EFNA5: variants seen among roughly 807,000 people sequenced by gnomAD.
EFNA5 encodes ephrin-A5.
In EFNA5, 5 loss-of-function variants were observed where a neutral mutation model predicts 22.9. That is an observed-to-expected ratio of 0.22 (90% CI 0.11 to 0.46). The LOEUF is 0.46. EFNA5 is among the 20% of genes least tolerant of loss of function. The pLI is 0.99. For synonymous variants in EFNA5, 113 were observed against 112.2 expected (o/e 1.01, Z -0.04); for missense variants, 237 against 293.3 (o/e 0.81, Z 1.40).
At chr5:107,567,831 C>A (rs554531502) in intron 1 of EFNA5, among the ~76,000 whole-genome samples, 2 of 152,290 alleles carry the variant, frequency 1.3e-5, no homozygotes, top group South Asian at 4.1e-4. Context: ...GGCAAAGTAG[C>A]GAGTGGCTGG....
intron 1 of EFNA5, among the ~76,000 whole-genome samples, chr5:107,535,749 C>T (rs1169643941): frequency 1.3e-5 from 2 of 151,846 alleles, no homozygotes; most frequent in African/African-American, 4.8e-5. Context: ...TTCTCGAGGT[C>T]GTTATGGGCA....
intron 1 of EFNA5, among the ~76,000 whole-genome samples, chr5:107,502,038 C>T (rs1049131322): frequency 1.3e-5 from 2 of 152,092 alleles, no homozygotes; most frequent in African/African-American, 4.8e-5. Context: ...AGATGTACAC[C>T]GGGCATTGCC....
At chr5:107,564,057 C>A (rs931132427) in intron 1 of EFNA5, among the ~76,000 whole-genome samples, 4 of 152,106 alleles carry the variant, frequency 2.6e-5, no homozygotes, top group Admixed American at 2.6e-4. Flanking sequence ...AAGGATTACG[C>A]CTGCTATTTT....
At chr5:107,636,860 T>A (rs569611555) in intron 1 of EFNA5, among the ~76,000 whole-genome samples, 8 of 152,348 alleles carry the variant, frequency 5.3e-5, no homozygotes, top group African/African-American at 9.6e-5. Flanking sequence ...CACAGGGCAA[T>A]AATCTGTAAA....
Position 107,492,992 on chromosome 5 carries a change from C to CA in EFNA5, c.126-65484dup, listed in dbSNP as rs34294325. The stretch of plus-strand genomic sequence containing the variant: ...CAGCCTGGGGACAGAGACTCCATCT[C>CA]AAAAAAAAAAAAAAATACATCTTTA... On this transcript the variant is annotated intron_variant, in intron 1 of 4. Coordinates refer to ENST00000333274, the MANE Select transcript of EFNA5 (RefSeq NM_001962.3). Among the ~76,000 whole-genome samples, 426 of 99,302 alleles carry CA rather than the reference C, an allele frequency of 4.3e-3. 2 individuals are homozygous for CA. Among genetic ancestry groups the CA allele is most frequent in the South Asian group, 0.014 (44 of 3,188 alleles). 65.1% of individuals were successfully genotyped at this position (99,302 alleles called of 152,430 possible).
At chr5:107,533,496 C>T (rs1302551278) in intron 1 of EFNA5, among the ~76,000 whole-genome samples, 1 of 152,156 alleles carries the variant, frequency 6.6e-6, no homozygotes, top group African/African-American at 2.4e-5. Context: ...GCTTGCTTTG[C>T]TTCCATTTCT....
rs1747667080 is a variant in EFNA5 at position 107,387,708 on chromosome 5, G to C, written c.482C>G (p.Thr161Arg). ...GAAGCTCATTCTAGTGAACTTACTT[G>C]TTGGTCTCACAAAGACTTTGAGCTT... Reference protein sequence around the residue: ...CLKLKVFVRPTNSCMKTIGVH... With the variant: ...CLKLKVFVRPRNSCMKTIGVH... Residue 161 changes from threonine (T) to arginine (R), a missense_variant and splice_region_variant, in exon 3 of 5, where the codon ACA (threonine) becomes AGA (arginine). Around this residue, in one of 3 missense-constraint regions of EFNA5, gnomAD observed 104 missense variants for 114.5 expected, o/e 0.91. Coordinates refer to ENST00000333274, the MANE Select transcript of EFNA5 (RefSeq NM_001962.3). 3 of 1,610,242 alleles carry C rather than the reference G, an allele frequency of 1.9e-6. No homozygotes were observed. In the African/African-American group the frequency reaches 4.0e-5, roughly 21 times the overall value.
intron 1 of EFNA5, among the ~76,000 whole-genome samples, chr5:107,510,703 A>C (rs1169645672): frequency 2.0e-5 from 3 of 152,194 alleles, no homozygotes; most frequent in African/African-American, 7.2e-5. Flanking sequence ...TTTAGAAAAT[A>C]AGTCATGAGG....
intron 1 of EFNA5, among the ~76,000 whole-genome samples, chr5:107,641,842 C>T (rs1750528137): frequency 6.6e-6 from 1 of 152,012 alleles, no homozygotes; most frequent in African/African-American, 2.4e-5. Flanking sequence ...ACAGGAGGCC[C>T]AAGTATTTAA....
chr5:107,468,849 T>C (rs1750062870), intron 1 of EFNA5, among the ~76,000 whole-genome samples: 1 of 152,062 alleles, frequency 6.6e-6, no homozygotes, highest in Non-Finnish European at 1.5e-5. Context: ...ATTAAGGAAA[T>C]ACAGCTGCTT....
intron 2 of EFNA5, among the ~76,000 whole-genome samples, chr5:107,420,770 G>A (rs1326197951): frequency 6.6e-6 from 1 of 151,976 alleles, no homozygotes; most frequent in Non-Finnish European, 1.5e-5. Context: ...GTTTATTATG[G>A]CATTTATCCA....
At chr5:107,531,088 G>A (rs1355241386) in intron 1 of EFNA5, among the ~76,000 whole-genome samples, 1 of 152,152 alleles carries the variant, frequency 6.6e-6, no homozygotes. Flanking sequence ...GTTTTTTAAA[G>A]TTCTAGACTC....
At chr5:107,488,505 G>A (rs1746706310) in intron 1 of EFNA5, among the ~76,000 whole-genome samples, 1 of 152,088 alleles carries the variant, frequency 6.6e-6, no homozygotes, top group South Asian at 2.1e-4. Flanking sequence ...TCTTGTTGAA[G>A]TACCCTTTTT....
At chr5:107,464,141 C>T (rs1749910177) in intron 1 of EFNA5, among the ~76,000 whole-genome samples, 1 of 152,142 alleles carries the variant, frequency 6.6e-6, no homozygotes, top group Non-Finnish European at 1.5e-5. Context: ...AATTGAGGCA[C>T]ACCCTGCCCC....
At chr5:107,583,016 C>G (rs1749102064) in intron 1 of EFNA5, among the ~76,000 whole-genome samples, 1 of 152,076 alleles carries the variant, frequency 6.6e-6, no homozygotes, top group South Asian at 2.1e-4. Context: ...AGGGAAACAA[C>G]AGGACATCTT....
chr5:107,485,757 G>A (rs1746599614), intron 1 of EFNA5, among the ~76,000 whole-genome samples: 1 of 152,180 alleles, frequency 6.6e-6, no homozygotes, highest in Admixed American at 6.5e-5. Flanking sequence ...AAGAAAGGAT[G>A]AAATGTTCGG....
chr5:107,567,807 C>T (rs982660585), intron 1 of EFNA5, among the ~76,000 whole-genome samples: 1 of 152,218 alleles, frequency 6.6e-6, no homozygotes, highest in Non-Finnish European at 1.5e-5. Context: ...TGGCACTGGG[C>T]ACTGGACATG....
At chr5:107,459,199 G>A (rs1487286290) in intron 1 of EFNA5, among the ~76,000 whole-genome samples, 1 of 151,992 alleles carries the variant, frequency 6.6e-6, no homozygotes, top group African/African-American at 2.4e-5. Context: ...TTTGAGACCA[G>A]CCTGGCCAAC....
chr5:107,641,017 T>C (rs143914872), intron 1 of EFNA5, among the ~76,000 whole-genome samples: 19 of 113,656 alleles, frequency 1.7e-4, no homozygotes, highest in Admixed American at 3.4e-4. Flanking sequence ...GATAGATAGA[T>C]AGATAGACAG....
Sources: allele counts gnomAD v4.1 joint callset (sites outside exome capture counted in the v4.1 genomes callset), GRCh38; gene constraint gnomAD v4.1.1; regional missense constraint gnomAD v4.1.1; transcripts MANE v1.5; gene names NCBI Gene and HGNC (gene_info 2026-07-23, HGNC 2026-07-21).